Variants in C8orf74 observed in about 807,000 individuals in gnomAD.
C8orf74 encodes chromosome 8 open reading frame 74.
A neutral mutation model predicts 22.2 loss-of-function variants in C8orf74; 29 were observed. The observed-to-expected ratio is 1.31, with a 90% CI of 0.97 to 1.78. C8orf74 has a LOEUF of 1.78. C8orf74 is among the 40% of genes most tolerant of loss of function. The pLI, the probability that C8orf74 is intolerant of heterozygous loss-of-function variation, is 0.00. For missense variants in C8orf74, 515 were observed against 369.9 expected (o/e 1.39, Z -3.22); for synonymous variants, 255 against 163.1 (o/e 1.56, Z -4.30).
chr8:10,678,302 A>G (rs1016296733), intron 2 of C8orf74, among the ~76,000 whole-genome samples: 6 of 152,200 alleles, frequency 3.9e-5, no homozygotes, highest in Non-Finnish European at 7.3e-5. Context: ...TGTTAGAAGG[A>G]TCAAATGAGG....
intron 2 of C8orf74, among the ~76,000 whole-genome samples, chr8:10,684,108 C>T (rs544773253): frequency 6.6e-6 from 1 of 152,324 alleles, no homozygotes; most frequent in African/African-American, 2.4e-5. Context: ...AGACATGGCA[C>T]ACTGAGCCCT....
At chr8:10,694,730 G>A (rs1799452537) in intron 2 of C8orf74, among the ~76,000 whole-genome samples, 1 of 152,148 alleles carries the variant, frequency 6.6e-6, no homozygotes, top group South Asian at 2.1e-4. Context: ...TAGTGAATTG[G>A]GTTCCCAAGT....
At chr8:10,681,218 C>G (rs1307752470) in intron 2 of C8orf74, among the ~76,000 whole-genome samples, 1 of 152,018 alleles carries the variant, frequency 6.6e-6, no homozygotes, top group African/African-American at 2.4e-5. Context: ...TCTGGCCTGG[C>G]AAACGCCTCT....
At chr8:10,673,705 CAG>C (rs1441147833) in intron 1 of C8orf74, 1 of 153,890 alleles carries the variant, frequency 6.5e-6, no homozygotes, top group African/African-American at 2.4e-5. Context: ...GAGCAAGTCC[CAG>C]GAGGAGGGAG....
chr8:10,686,210 T>C (rs1563159434), intron 2 of C8orf74, among the ~76,000 whole-genome samples: 1 of 152,228 alleles, frequency 6.6e-6, no homozygotes, highest in African/African-American at 2.4e-5. Flanking sequence ...CATTCACTCC[T>C]AAAAAATGGC....
chr8:10,689,195 C>G (rs1306506601), intron 2 of C8orf74: 1 of 152,236 alleles, frequency 6.6e-6, no homozygotes, highest in Admixed American at 6.5e-5. Flanking sequence ...CACCAGGTTC[C>G]CGACCCCTCA....
In C8orf74 at chr8:10,672,662, G is replaced by A. The variant is rs1299454744; in HGVS notation, c.-4G>A. 1 of 1,563,564 alleles carries A rather than the reference G, an allele frequency of 6.4e-7. No individual in the cohort carries two copies. Among genetic ancestry groups the A allele is most frequent in the East Asian group, 2.4e-5 (1 of 41,812 alleles). Reference sequence around the variant, plus strand: ...CCGTCTCCTGGCAACCAGATGCAGGGGCCATGGCACTCTTAACACCCCAGG... The same window carrying A: ...CCGTCTCCTGGCAACCAGATGCAGGAGCCATGGCACTCTTAACACCCCAGG... On this transcript the variant is annotated 5_prime_UTR_variant, in exon 1 of 4. Transcript: ENST00000304519.
chr8:10,685,536 T>C (rs1250352965), intron 2 of C8orf74, among the ~76,000 whole-genome samples: 1 of 152,158 alleles, frequency 6.6e-6, no homozygotes, highest in Non-Finnish European at 1.5e-5. Context: ...TGAAATAATC[T>C]AGATGCAAAA....
intron 2 of C8orf74, among the ~76,000 whole-genome samples, chr8:10,680,785 G>A (rs1219869247): frequency 6.6e-6 from 1 of 152,136 alleles, no homozygotes; most frequent in Non-Finnish European, 1.5e-5. Flanking sequence ...GCGGCCAGGG[G>A]CAGAAAGAGC....
chr8:10,693,241 C>T (rs562381161), intron 2 of C8orf74, among the ~76,000 whole-genome samples: 1 of 152,312 alleles, frequency 6.6e-6, no homozygotes, highest in South Asian at 2.1e-4. Flanking sequence ...CAAGCTGCTC[C>T]CCCTCTTGCC....
At position 10,698,230 on chromosome 8, in the gene C8orf74, G is replaced by A. The variant is rs546752082; in HGVS notation, c.648+225G>A. ...TGAGGCGCAGAGAACATTTTAACTC[G>A]CCAAGGTCACCAAGCTAGCATATGG... On this transcript the variant is annotated intron_variant, in intron 3 of 3. Coordinates refer to ENST00000304519, the MANE Select transcript of C8orf74 (RefSeq NM_001040032.2). Among the ~76,000 whole-genome samples the A allele has an allele frequency of 1.3e-3, 203 of 152,260 alleles. 1 individual carries two copies. The highest frequency in any genetic ancestry group is 4.5e-3 in the African/African-American group (189 of 41,564).
At chr8:10,681,032 C>G (rs1470283848) in intron 2 of C8orf74, among the ~76,000 whole-genome samples, 1 of 151,222 alleles carries the variant, frequency 6.6e-6, no homozygotes, top group African/African-American at 2.4e-5. Flanking sequence ...AGGATGGTTG[C>G]ATTGTGTTTG....
In C8orf74 at chr8:10,687,241, G is replaced by C. The variant is rs79565933; in HGVS notation, c.242-10358G>C. 901 of 390,678 alleles carry C rather than the reference G, an allele frequency of 2.3e-3. 10 individuals carry two copies. Among genetic ancestry groups the C allele is most frequent in the African/African-American group, 0.017 (840 of 48,008 alleles). The allele number at this position is 390,678 out of a possible 1,614,324, so 24.2% of individuals were successfully genotyped here. ...TGCATGCTGTCGCCTAATCTCACGA[G>C]GTAGAGATTTTTATTGCCTCTATTT... On this transcript the variant is annotated intron_variant, in intron 2 of 3. Transcript: ENST00000304519.
At chr8:10,676,337 G>T (rs916236697) in intron 2 of C8orf74, among the ~76,000 whole-genome samples, 4 of 152,116 alleles carry the variant, frequency 2.6e-5, no homozygotes, top group Non-Finnish European at 4.4e-5. Flanking sequence ...ACTCAGTCCT[G>T]CTGGCAACAC....
intron 1 of C8orf74, among the ~76,000 whole-genome samples, chr8:10,674,411 G>A (rs1186818041): frequency 5.0e-5 from 1 of 19,912 alleles, no homozygotes; most frequent in Non-Finnish European, 1.1e-4. Context: ...ATCACACCCT[G>A]TAGCCCCCAT....
In C8orf74 at chr8:10,697,716, G is replaced by A. The variant is rs141492052; in HGVS notation, c.359G>A (p.Arg120His). ...GACTACTTCCACCACACCTTCATCC[G>A]CCACTACAAACTCTACCAGTATGTC... Reference protein sequence around the residue: ...LCDYFHHTFIRHYKLYQYVLG... With the variant: ...LCDYFHHTFIHHYKLYQYVLG... The change falls in exon 3 of 4, where the codon CGC becomes CAC. Residue 120 changes from arginine (R) to histidine (H), a missense_variant. Coordinates refer to ENST00000304519, the MANE Select transcript of C8orf74 (RefSeq NM_001040032.2). The A allele has an allele frequency of 3.2e-3, 5,241 of 1,613,976 alleles. 16 individuals carry two copies. The highest frequency in any genetic ancestry group is 4.1e-3 in the Non-Finnish European group (4,794 of 1,179,878).
chr8:10,677,155 A>G (rs1799050186), intron 2 of C8orf74, among the ~76,000 whole-genome samples: 1 of 152,018 alleles, frequency 6.6e-6, no homozygotes, highest in South Asian at 2.1e-4. Flanking sequence ...ACACCCCCTA[A>G]GGAACAGGGA....
At chr8:10,700,107 C>T (rs555023741) in intron 3 of C8orf74, 128 bp from the exon 4 acceptor site, 40 of 575,730 alleles carry the variant, frequency 6.9e-5, no homozygotes, top group Admixed American at 4.2e-4. Flanking sequence ...CAGGCAACCA[C>T]GGCCCGTGGG....
Position 10,680,982 on chromosome 8 carries a change from C to T in C8orf74, c.241+6144C>T, listed in dbSNP as rs568343245. Among the ~76,000 whole-genome samples, 9 of 152,064 alleles carry T rather than the reference C, an allele frequency of 5.9e-5. No individual in the cohort carries two copies. The East Asian group carries it at 1.7e-3, about 29-fold the overall frequency. ...GGCTTTCAGTCATCTTGGAAAGCGG[C>T]TTCTCCAGGGATGTTTTTGTTGTTG... On this transcript the variant is annotated intron_variant, in intron 2 of 3. Coordinates refer to ENST00000304519, the MANE Select transcript of C8orf74 (RefSeq NM_001040032.2).
Sources: gnomAD v4.1 joint callset for allele counts (sites outside exome capture counted in the v4.1 genomes callset) on GRCh38, gnomAD v4.1.1 for gene constraint, MANE v1.5 for transcripts, NCBI Gene and HGNC (gene_info 2026-07-23, HGNC 2026-07-21) for gene names.